The following ADAMTS13 variants were observed in gnomAD, a reference collection of about 807,000 sequenced individuals.
ADAMTS13 encodes ADAM metallopeptidase with thrombospondin type 1 motif 13, also known as A disintegrin and metalloproteinase with thrombospondin motifs 13.
ADAMTS13 carries 110 observed loss-of-function variants against 155.1 expected under a neutral mutation model. The observed-to-expected ratio is 0.71, with a 90% CI of 0.61 to 0.83. The LOEUF is 0.83. Ranked by LOEUF, ADAMTS13 falls within the 40% of genes least tolerant of loss-of-function variation. The pLI, the probability that ADAMTS13 is intolerant of heterozygous loss-of-function variation, is 0.00. For missense variants in ADAMTS13, 1,707 were observed against 1,891.7 expected (o/e 0.90, Z 1.81); for synonymous variants, 758 against 756.4 (o/e 1.00, Z -0.03).
chr9:133,438,993 A>G lies in ADAMTS13; in HGVS notation c.1706-373A>G, dbSNP rs74715985. On this transcript the variant is annotated intron_variant, in intron 14 of 28. Transcript: ENST00000355699. ...CTCCTGCTCAAGAAATCCCACTGAG[A>G]GGGACACAAGTGAATGAGAGGGTTG... Among the ~76,000 whole-genome samples, 1,485 of 151,790 alleles carry G rather than the reference A, an allele frequency of 9.8e-3. 11 individuals are homozygous for G. Among genetic ancestry groups the G allele is most frequent in the Non-Finnish European group, 0.016 (1,067 of 67,992 alleles).
At chr9:133,418,002 G>T, upstream of ADAMTS13, 1 of 663,582 alleles carries the variant, frequency 1.5e-6, no homozygotes, top group Non-Finnish European at 2.5e-6. Context: ...CCCCGCACGC[G>T]TTGCGCATAC....
At chr9:133,435,202 T>C (rs1391906075) in intron 11 of ADAMTS13, among the ~76,000 whole-genome samples, 2 of 151,686 alleles carry the variant, frequency 1.3e-5, no homozygotes, top group Admixed American at 1.3e-4. Flanking sequence ...TTTTTTTTTT[T>C]TTTGAGACAG....
intron 9 of ADAMTS13, 148 bp from the exon 10 acceptor site, chr9:133,433,230 T>C: frequency 9.4e-7 from 1 of 1,066,184 alleles, no homozygotes. Flanking sequence ...TATGGGTGAG[T>C]TCCTTGTGTG....
At chr9:133,432,741 G>C in intron 9 of ADAMTS13, 49 bp downstream of exon 9, 1 of 1,526,134 alleles carries the variant, frequency 6.6e-7, no homozygotes, top group South Asian at 1.2e-5. Context: ...CGTGCACGTG[G>C]GTGCCTCCAG....
intron 14 of ADAMTS13, 58 bp downstream of exon 14, chr9:133,438,424 A>T (rs918546770): frequency 5.6e-6 from 9 of 1,606,246 alleles, no homozygotes; most frequent in Non-Finnish European, 5.9e-6. Context: ...AGATGGCCAC[A>T]GCCCAGAGCG....
At chr9:133,418,007 G>A, upstream of ADAMTS13, 1 of 640,998 alleles carries the variant, frequency 1.6e-6, no homozygotes. Context: ...CACGCGTTGC[G>A]CATACCTCAG....
At chr9:133,429,862 G>C (rs782022887) in intron 7 of ADAMTS13, 77 bp from the exon 8 acceptor site, 1 of 1,519,352 alleles carries the variant, frequency 6.6e-7, no homozygotes, top group Non-Finnish European at 8.8e-7. Context: ...TTCCATCCTC[G>C]TGCCCACTCC....
rs587610837 is a variant in ADAMTS13 at position 133,415,766 on chromosome 9, G to A, written n.287+1122G>A. On this transcript the variant is annotated intron_variant and non_coding_transcript_variant, in intron 1 of 17. Coordinates refer to the ADAMTS13 transcript ENST00000485925. ...CACATCCCTTCCATTCACTTATTTTGCTTTTCTTTCTTGGGAGAAGGAAGA... is the reference window on the plus strand; with the variant it reads ...CACATCCCTTCCATTCACTTATTTTACTTTTCTTTCTTGGGAGAAGGAAGA... The A allele has an allele frequency of 5.3e-5, 8 of 152,324 alleles. No homozygotes were observed. In the South Asian group the frequency reaches 1.7e-3, roughly 32 times the overall value. 9.4% of individuals were successfully genotyped at this position (152,324 alleles called of 1,614,324 possible).
chr9:133,417,785 C>A, upstream of ADAMTS13: 1 of 1,610,442 alleles, frequency 6.2e-7, no homozygotes, highest in Non-Finnish European at 8.5e-7. Flanking sequence ...TGACAGGACC[C>A]GGCTTAGCCA....
At chr9:133,420,552 G>C (rs1366153519), upstream of ADAMTS13, among the ~76,000 whole-genome samples, 1 of 152,208 alleles carries the variant, frequency 6.6e-6, no homozygotes, top group Non-Finnish European at 1.5e-5. Flanking sequence ...GCTTAGTTCT[G>C]ATTGGTTAAT....
chr9:133,442,485 C>T lies in ADAMTS13; in HGVS notation c.2055C>T (p.Ala685=). The stretch of plus-strand genomic sequence containing the variant: ...ACTTCCAGCCTAAGCCACGGCAGGC[C>T]TGGGTGTGGGCCGCTGTGCGTGGGC... ...FTYFQPKPRQ[A]WVWAAVRGPC... is the part of the protein sequence containing the mutation. The change falls in exon 17 of 29, where the codon GCC becomes GCT. Residue 685 remains alanine, a synonymous_variant. Coordinates refer to ENST00000355699, the MANE Select transcript of ADAMTS13 (RefSeq NM_139027.6). The T allele has an allele frequency of 6.2e-7, 1 of 1,613,762 alleles. No homozygotes were observed.
At chr9:133,455,979 C>T (rs1842717866) in intron 25 of ADAMTS13, 90 bp from the exon 26 acceptor site, 2 of 1,572,842 alleles carry the variant, frequency 1.3e-6, no homozygotes, top group Non-Finnish European at 8.7e-7. Flanking sequence ...CCCCTACCTC[C>T]TGGTCTCCTT....
Position 133,445,773 on chromosome 9 carries a change from C to T in ADAMTS13, c.2685C>T (p.His895=), listed in dbSNP as rs370669534. 26 of 1,601,742 alleles carry T rather than the reference C, an allele frequency of 1.6e-5. No homozygotes were observed. In the South Asian group the frequency reaches 2.2e-4, roughly 14 times the overall value. Reference sequence around the variant, plus strand: ...TCAGGACGGGGGCTCAAGCTGCACACGTGTGGACCCCTGCGGCAGGGTCGT... The same window carrying T: ...TCAGGACGGGGGCTCAAGCTGCACATGTGTGGACCCCTGCGGCAGGGTCGT... ...GSIRTGAQAA[H]VWTPAAGSCS... The change falls in exon 21 of 29, where the codon CAC becomes CAT. Residue 895 remains histidine, a synonymous_variant. Transcript: ENST00000355699. This position sits in a 1 kb window ranked among gnomAD's most constrained non-coding sequence, Gnocchi z 5.0.
In ADAMTS13 at chr9:133,456,909, G is replaced by T. The variant is rs1554796242; in HGVS notation, c.3724+190G>T. On this transcript the variant is annotated intron_variant, in intron 27 of 28. Coordinates refer to ENST00000355699, the MANE Select transcript of ADAMTS13 (RefSeq NM_139027.6). This position sits in a 1 kb window ranked among gnomAD's most constrained non-coding sequence, Gnocchi z 4.4. ...GCCAGGGAGGGGTCACAGGATGAATGCTATATCCCTCCTTTTTGGGACCGT... is the reference window on the plus strand; with the variant it reads ...GCCAGGGAGGGGTCACAGGATGAATTCTATATCCCTCCTTTTTGGGACCGT... 1 of 746,814 alleles carries T rather than the reference G, an allele frequency of 1.3e-6. No homozygotes were observed. The highest frequency in any genetic ancestry group is 1.5e-5 in the South Asian group (1 of 67,524). 46.3% of individuals were successfully genotyped at this position (746,814 alleles called of 1,614,324 possible).
chr9:133,424,264 C>T lies in ADAMTS13; in HGVS notation c.173-57C>T, dbSNP rs1022849466. 18 of 1,604,386 alleles carry T rather than the reference C, an allele frequency of 1.1e-5. No individual in the cohort carries two copies. The highest frequency in any genetic ancestry group is 1.5e-5 in the Non-Finnish European group (18 of 1,179,514). On this transcript the variant is annotated intron_variant, in intron 2 of 28. Coordinates refer to ENST00000355699, the MANE Select transcript of ADAMTS13 (RefSeq NM_139027.6). The surrounding 1 kb of genome is among the most constrained non-coding windows in gnomAD (Gnocchi z 4.3). ...GACCTGCCAGCCCCTTTCCTGTTAG[C>T]TTTCCACTGCTTGCTCTCTAGAACC... is the stretch of plus-strand genomic sequence containing the variant.
rs36221586 is a variant in ADAMTS13 at position 133,445,551 on chromosome 9, C to T, written c.2611-148C>T. The T allele has an allele frequency of 2.7e-3, 3,346 of 1,259,334 alleles. 69 individuals are homozygous for T. In the African/African-American group the frequency reaches 0.042, roughly 16 times the overall value. 78.0% of individuals were successfully genotyped at this position (1,259,334 alleles called of 1,614,324 possible). ...GATACCCGCTGCGAGACCGGGGAGC[C>T]GATCTCGCCAAGGGAGGAGGGGAGG... On this transcript the variant is annotated intron_variant, in intron 20 of 28. Coordinates refer to ENST00000355699, the MANE Select transcript of ADAMTS13 (RefSeq NM_139027.6). The surrounding 1 kb of genome is among the most constrained non-coding windows in gnomAD (Gnocchi z 5.0).
Position 133,445,156 on chromosome 9 carries a change from C to A in ADAMTS13, c.2610+104C>A. The A allele has an allele frequency of 1.5e-6, 2 of 1,310,422 alleles. No individual in the cohort carries two copies. The highest frequency in any genetic ancestry group is 1.5e-5 in the African/African-American group (1 of 68,748). The allele number at this position is 1,310,422 out of a possible 1,614,324, so 81.2% of individuals were successfully genotyped here. On this transcript the variant is annotated intron_variant, in intron 20 of 28. Transcript: ENST00000355699. This position sits in a 1 kb window ranked among gnomAD's most constrained non-coding sequence, Gnocchi z 5.0. ...ACCGTCCTCCAGGCCAGAGCAAGAA[C>A]ACCATCCTTCTGTGGGAATGCTGTC...
chr9:133,449,680 C>T, intron 22 of ADAMTS13, 103 bp from the exon 23 acceptor site: 1 of 1,385,972 alleles, frequency 7.2e-7, no homozygotes, highest in Non-Finnish European at 1.0e-6. Flanking sequence ...CCCTTCCCAG[C>T]TTCCTGTCTC....
chr9:133,458,555 C>CAAAGAAAA (rs1842888098), intron 28 of ADAMTS13, among the ~76,000 whole-genome samples: 2 of 56,228 alleles, frequency 3.6e-5, no homozygotes, highest in Non-Finnish European at 5.9e-5. Flanking sequence ...GACTCTGTCT[C>CAAAGAAAA]AAAAAAAAAA....
Sources: gnomAD v4.1 joint callset for allele counts (sites outside exome capture counted in the v4.1 genomes callset) on GRCh38, gnomAD v4.1.1 for gene constraint, Gnocchi (gnomAD v3.1) non-coding constraint, MANE v1.5 for transcripts, NCBI Gene and HGNC (gene_info 2026-07-23, HGNC 2026-07-21) for gene names.